The following AS3MT variants were observed in gnomAD, a reference collection of about 807,000 sequenced individuals.
AS3MT encodes the protein arsenite methyltransferase, also known as S-adenosyl-L-methionine:arsenic(III) methyltransferase.
AS3MT carries 47 observed loss-of-function variants against 45.3 expected under a neutral mutation model. The ratio of observed to expected loss-of-function variants is 1.04; its 90% confidence interval spans 0.82 to 1.32. The LOEUF (loss-of-function observed/expected upper bound fraction) is 1.32, where lower values mean the gene tolerates loss of function less well. AS3MT is among the 40% of genes most tolerant of loss of function. The pLI is 0.00. For synonymous variants in AS3MT, 141 were observed against 152.8 expected, an observed-to-expected ratio of 0.92 and a Z score of 0.57; for missense variants, 396 against 451.1, an observed-to-expected ratio of 0.88 and a Z score of 1.11.
chr10:102,878,264 G>C, intron 7 of AS3MT, 115 bp from the exon 8 acceptor site: 2 of 1,410,646 alleles, frequency 1.4e-6, no homozygotes, highest in Non-Finnish European at 1.9e-6. Flanking sequence ...TCTACTGCTA[G>C]GATCTATGTT....
intron 10 of AS3MT, 73 bp downstream of exon 10, chr10:102,890,751 C>T (rs2134127925): frequency 6.8e-7 from 1 of 1,464,512 alleles, no homozygotes; most frequent in East Asian, 2.4e-5. Flanking sequence ...CTCTCTGTCA[C>T]CCAGACTGGA....
intron 5 of AS3MT, 107 bp from the exon 6 acceptor site, chr10:102,874,484 TG>T: frequency 1.3e-6 from 1 of 742,878 alleles, no homozygotes; most frequent in Non-Finnish European, 2.3e-6. Context: ...GCGGTAAGAA[TG>T]GGGTAGCTTT....
chr10:102,888,869 ATATATATATATATTT>A (rs1564794473), intron 9 of AS3MT, among the ~76,000 whole-genome samples: 3 of 88,614 alleles, frequency 3.4e-5, no homozygotes, highest in Admixed American at 2.1e-4. Flanking sequence ...ATATATATAT[ATATATATATATATTT>A]TTTTTTTTTT....
intron 9 of AS3MT, among the ~76,000 whole-genome samples, chr10:102,887,672 T>G (rs1425629150): frequency 1.3e-5 from 2 of 152,152 alleles, no homozygotes; most frequent in Non-Finnish European, 2.9e-5. Flanking sequence ...ATGTCTTTTT[T>G]CCACCCCTTA....
At chr10:102,894,868 CT>C (rs749079107) in intron 10 of AS3MT, among the ~76,000 whole-genome samples, 40 of 152,188 alleles carry the variant, frequency 2.6e-4, no homozygotes, top group Non-Finnish European at 7.3e-5. Flanking sequence ...GAAATCCCCA[CT>C]TCCAGTTGTC....
At chr10:102,873,336 A>C in intron 5 of AS3MT, 103 bp downstream of exon 5, 1 of 932,600 alleles carries the variant, frequency 1.1e-6, no homozygotes, top group Non-Finnish European at 1.4e-6. Context: ...GCCAGAGTGC[A>C]GTGGCCCAAT....
rs1391649981 is a variant in AS3MT, at chr10:102,900,772, A to G, written c.*72A>G. 10 of 1,204,246 alleles carry G rather than the reference A, an allele frequency of 8.3e-6. No homozygotes were observed. In the South Asian group the frequency reaches 9.7e-5, roughly 12 times the overall value. 74.6% of individuals were successfully genotyped at this position (1,204,246 alleles called of 1,614,324 possible). On this transcript the variant is annotated 3_prime_UTR_variant, in exon 11 of 11. Transcript: ENST00000369880. ...CATGTTTTTTAACCTGCTTTTCCCC[A>G]TAGCACAGACCATAAGAAACAACAA...
At position 102,878,966 on chromosome 10, in the gene AS3MT, T is replaced by C. The variant is rs11191439; in HGVS notation, c.860T>C (p.Met287Thr). 0.098 allele frequency: 158,174 copies of C among 1,612,308 alleles called. 8,407 individuals carry two copies. Among genetic ancestry groups the C allele is most frequent in the Middle Eastern group, 0.19 (1,142 of 6,048 alleles). Residue 287 changes from methionine (M) to threonine (T), a missense_variant, in exon 9 of 11, where the codon ATG becomes ACG. Physicochemically the swap from Met to Thr is moderately conservative, Grantham distance 81. Transcript: ENST00000369880. ...ATTACAGGACATGAAAAAGAACTAA[T>C]GTTTGATGCCAATTTTACATTTAAG... Reference protein sequence around the residue: ...GGITGHEKELMFDANFTFKEG... With the variant: ...GGITGHEKELTFDANFTFKEG...
At chr10:102,874,514 A>C in intron 5 of AS3MT, 78 bp from the exon 6 acceptor site, 2 of 1,073,328 alleles carry the variant, frequency 1.9e-6, no homozygotes, top group Non-Finnish European at 2.8e-6. Flanking sequence ...GGTGGGAACC[A>C]CCTTTAGGGT....
intron 10 of AS3MT, among the ~76,000 whole-genome samples, chr10:102,897,212 G>A (rs945539896): frequency 1.3e-4 from 20 of 151,594 alleles, no homozygotes; most frequent in African/African-American, 3.9e-4. Flanking sequence ...GTGAAACCCC[G>A]TCTCTACTAA....
In AS3MT at chr10:102,869,541, C is replaced by T. The variant is rs1844636769; in HGVS notation, c.-52C>T. 6.6e-7 allele frequency: 1 copy of T among 1,523,094 alleles called. No homozygotes were observed. Among genetic ancestry groups the T allele is most frequent in the Non-Finnish European group, 8.8e-7 (1 of 1,138,270 alleles). 94.3% of individuals were successfully genotyped at this position (1,523,094 alleles called of 1,614,324 possible). ...GAGACAGTGAGTGCGCGCCCTGAGTCGCAGGCCGAGGAGACAGTGAGTGCG... is the reference window on the plus strand; with the variant it reads ...GAGACAGTGAGTGCGCGCCCTGAGTTGCAGGCCGAGGAGACAGTGAGTGCG... On this transcript the variant is annotated 5_prime_UTR_variant, in exon 1 of 11. Transcript: ENST00000369880.
Position 102,878,480 on chromosome 10 carries a change from A to T in AS3MT, c.712A>T (p.Ile238Phe). Residue 238 changes from isoleucine (I) to phenylalanine (F), a missense_variant, in exon 8 of 11, where the codon ATT (isoleucine) becomes TTT (phenylalanine). Transcript: ENST00000369880. ...TTTGGTCACTGCCAATCTCATTACAATTCAAAACAAGGAACTGGAAAGAGT... is the reference window on the plus strand; with the variant it reads ...TTTGGTCACTGCCAATCTCATTACATTTCAAAACAAGGAACTGGAAAGAGT... The part of the protein sequence containing the change: ...PRLVTANLIT[I>F]QNKELERVIG... 6.2e-7 allele frequency: 1 copy of T among 1,614,116 alleles called. No individual in the cohort carries two copies. Among genetic ancestry groups the T allele is most frequent in the Non-Finnish European group, 8.5e-7 (1 of 1,180,024 alleles).
At chr10:102,871,009 C>T (rs1489068602) in intron 3 of AS3MT, among the ~76,000 whole-genome samples, 1 of 152,078 alleles carries the variant, frequency 6.6e-6, no homozygotes, top group Non-Finnish European at 1.5e-5. Flanking sequence ...CTTGGGAGGC[C>T]AAGGCAGGTA....
At chr10:102,890,909 C>T (rs1313441717) in intron 10 of AS3MT, among the ~76,000 whole-genome samples, 2 of 152,030 alleles carry the variant, frequency 1.3e-5, no homozygotes, top group African/African-American at 4.8e-5. Flanking sequence ...GATGGGGTTT[C>T]GCCATGTTGG....
In AS3MT at chr10:102,869,812, A is replaced by G. The variant is rs1432439157; in HGVS notation, c.9A>G (p.Ala3=). 6.2e-7 allele frequency: 1 copy of G among 1,613,966 alleles called. No homozygotes were observed. Among genetic ancestry groups the G allele is most frequent in the Non-Finnish European group, 8.5e-7 (1 of 1,180,042 alleles). The change falls in exon 2 of 11, where the codon GCA becomes GCG. Residue 3 remains alanine, a synonymous_variant. Coordinates refer to ENST00000369880, the MANE Select transcript of AS3MT (RefSeq NM_020682.4). Reference sequence around the variant, plus strand: ...CTTTCCCGCTCCCGACAGTGGCTGCACTTCGTGACGCTGAGATACAGAAGG... The same window carrying G: ...CTTTCCCGCTCCCGACAGTGGCTGCGCTTCGTGACGCTGAGATACAGAAGG... MA[A]LRDAEIQKDV...
At chr10:102,890,746 T>C (rs536324709) in intron 10 of AS3MT, 68 bp downstream of exon 10, 74 of 1,488,954 alleles carry the variant, frequency 5.0e-5, no homozygotes, top group Non-Finnish European at 6.6e-5. Context: ...AGTCTCTCTC[T>C]GTCACCCAGA....
chr10:102,888,760 T>A (rs1191997854), intron 9 of AS3MT, among the ~76,000 whole-genome samples: 1 of 151,362 alleles, frequency 6.6e-6, no homozygotes, highest in Non-Finnish European at 1.5e-5. Flanking sequence ...AATTATTCTC[T>A]TCTAGCTATT....
Position 102,877,040 on chromosome 10 carries a change from G to C in AS3MT, c.610+5G>C, listed in dbSNP as rs1301455735. 3.7e-6 allele frequency: 6 copies of C among 1,613,550 alleles called. No individual in the cohort carries two copies. Among genetic ancestry groups the C allele is most frequent in the Non-Finnish European group, 5.1e-6 (6 of 1,179,632 alleles). On this transcript the variant is annotated splice_donor_5th_base_variant and intron_variant, in intron 7 of 10. Transcript: ENST00000369880. Reference sequence around the variant, plus strand: ...GGACACACAAAGTTTTATGGGGTAGGTGATTTTGTTTAGTTTAGTATTAAG... The same window carrying C: ...GGACACACAAAGTTTTATGGGGTAGCTGATTTTGTTTAGTTTAGTATTAAG...
At chr10:102,888,425 CT>C (rs887242826) in intron 9 of AS3MT, among the ~76,000 whole-genome samples, 8 of 151,140 alleles carry the variant, frequency 5.3e-5, no homozygotes, top group African/African-American at 1.7e-4. Flanking sequence ...CTTTTCTTTT[CT>C]TTTTTTTTCT....
Sources: gnomAD v4.1 joint callset for allele counts (sites outside exome capture counted in the v4.1 genomes callset) on GRCh38, gnomAD v4.1.1 for gene constraint, MANE v1.5 for transcripts, NCBI Gene and HGNC (gene_info 2026-07-23, HGNC 2026-07-21) for gene names.